The following OSBPL10 variants were observed in gnomAD, a reference collection of about 807,000 sequenced individuals.
OSBPL10 encodes the protein oxysterol binding protein like 10.
In OSBPL10, 49 loss-of-function variants were observed where a neutral mutation model predicts 81.7. That is an observed-to-expected ratio of 0.60 (90% CI 0.48 to 0.76). The LOEUF (loss-of-function observed/expected upper bound fraction) is 0.76, where lower values mean the gene tolerates loss of function less well. OSBPL10 is among the 30% of genes least tolerant of loss of function. The pLI, the probability that OSBPL10 is intolerant of heterozygous loss-of-function variation, is 0.00. For missense variants in OSBPL10, 923 were observed against 987.8 expected, an observed-to-expected ratio of 0.93 and a Z score of 0.88; for synonymous variants, 419 against 383.6, an observed-to-expected ratio of 1.09 and a Z score of -1.08.
chr3:31,741,295 T>A (rs1186369301), intron 5 of OSBPL10, among the ~76,000 whole-genome samples: 2 of 152,278 alleles, frequency 1.3e-5, no homozygotes, highest in Non-Finnish European at 2.9e-5. Context: ...AGACGGAGTC[T>A]CGCTCTGTCA....
chr3:31,833,206 C>G (rs1700287673), intron 3 of OSBPL10, among the ~76,000 whole-genome samples: 1 of 152,084 alleles, frequency 6.6e-6, no homozygotes, highest in Non-Finnish European at 1.5e-5. Flanking sequence ...TATTCCAGTC[C>G]AGGAAAAGGC....
chr3:31,665,800 G>A (rs373752236), intron 10 of OSBPL10, among the ~76,000 whole-genome samples: 1 of 152,174 alleles, frequency 6.6e-6, no homozygotes, highest in South Asian at 2.1e-4. Context: ...TACGCTGAGG[G>A]TGGGGCTGGG....
intron 4 of OSBPL10, among the ~76,000 whole-genome samples, chr3:31,774,105 T>A (rs1575535563): frequency 6.9e-6 from 1 of 145,018 alleles, no homozygotes; most frequent in African/African-American, 2.6e-5. Flanking sequence ...GAGGTTGCAG[T>A]GAGCCGAGAT....
At chr3:31,892,117 G>A (rs1213550905) in intron 1 of OSBPL10, among the ~76,000 whole-genome samples, 1 of 152,042 alleles carries the variant, frequency 6.6e-6, no homozygotes, top group African/African-American at 2.4e-5. Context: ...TCTGGAGACG[G>A]AGGAACTGAG....
intron 4 of OSBPL10, among the ~76,000 whole-genome samples, chr3:31,817,833 TG>T (rs1699881810): frequency 6.6e-6 from 1 of 152,182 alleles, no homozygotes; most frequent in Non-Finnish European, 1.5e-5. Context: ...CTGCAGCCAC[TG>T]CCATCAATGC....
chr3:31,767,501 A>G (rs1237616836), intron 4 of OSBPL10, among the ~76,000 whole-genome samples: 1 of 152,064 alleles, frequency 6.6e-6, no homozygotes, highest in African/African-American at 2.4e-5. Context: ...CCCATCTCTC[A>G]TGGTCAAAGT....
intron 5 of OSBPL10, 148 bp from the exon 6 acceptor site, chr3:31,733,559 T>G (rs886324403): frequency 9.3e-6 from 8 of 863,312 alleles, no homozygotes; most frequent in Non-Finnish European, 1.3e-5. Context: ...AAGTACCAAG[T>G]GCAGATTCTG....
Position 31,732,254 on chromosome 3 carries a change from C to T in OSBPL10, c.1095+1003G>A, listed in dbSNP as rs548434955. On this transcript the variant is annotated intron_variant, in intron 6 of 11. Transcript: ENST00000396556. ...CCCTTCTAACACCCCTTAAAGATGCCGATGAAATATTTGTAGGCAGGCTAA... is the reference window on the plus strand; with the variant it reads ...CCCTTCTAACACCCCTTAAAGATGCTGATGAAATATTTGTAGGCAGGCTAA... Among the ~76,000 whole-genome samples the T allele has an allele frequency of 2.6e-4, 40 of 152,184 alleles. 1 individual carries two copies. Among genetic ancestry groups the T allele is most frequent in the Admixed American group, 2.2e-3 (34 of 15,290 alleles).
intron 1 of OSBPL10, among the ~76,000 whole-genome samples, chr3:32,049,141 G>C (rs1699649801): frequency 1.3e-5 from 2 of 152,098 alleles, no homozygotes; most frequent in African/African-American, 4.8e-5. Flanking sequence ...ATAACTATAA[G>C]TATACTCAGT....
intron 3 of OSBPL10, among the ~76,000 whole-genome samples, chr3:31,845,619 G>A (rs913518274): frequency 1.3e-5 from 2 of 152,172 alleles, no homozygotes; most frequent in African/African-American, 4.8e-5. Context: ...CCAGTAAGAA[G>A]CGGTTCTGTG....
intron 1 of OSBPL10, among the ~76,000 whole-genome samples, chr3:31,946,724 G>A (rs920648370): frequency 2.0e-5 from 3 of 152,228 alleles, no homozygotes; most frequent in African/African-American, 7.2e-5. Flanking sequence ...ACAAGTTCAA[G>A]GTGGAGCTGG....
intron 2 of OSBPL10, chr3:32,045,776 T>C (rs954738175): frequency 2.6e-5 from 4 of 152,176 alleles, no homozygotes; most frequent in Non-Finnish European, 5.9e-5. Context: ...AACAAAAAGC[T>C]AGGAAGGGAT....
At chr3:31,887,911 T>C (rs901350363) in intron 1 of OSBPL10, among the ~76,000 whole-genome samples, 2 of 152,204 alleles carry the variant, frequency 1.3e-5, no homozygotes, top group Admixed American at 1.3e-4. Flanking sequence ...GTCCCACCAC[T>C]GCCACCATCA....
At chr3:31,955,778 C>T (rs1035191374) in intron 1 of OSBPL10, among the ~76,000 whole-genome samples, 2 of 152,174 alleles carry the variant, frequency 1.3e-5, no homozygotes, top group South Asian at 2.1e-4. Flanking sequence ...AAACTATAAG[C>T]TACATTTCAC....
intron 1 of OSBPL10, among the ~76,000 whole-genome samples, chr3:31,893,776 T>C (rs1307255292): frequency 6.6e-6 from 1 of 152,172 alleles, no homozygotes; most frequent in East Asian, 1.9e-4. Flanking sequence ...TATCATTCTA[T>C]TTATATAAAA....
At chr3:31,702,229 A>G (rs1695916724) in intron 7 of OSBPL10, 130 bp downstream of exon 7, 2 of 1,094,974 alleles carry the variant, frequency 1.8e-6, no homozygotes. Flanking sequence ...ACTTGAAAGC[A>G]ATGCTGGCCT....
chr3:31,753,431 C>A (rs112201070), intron 4 of OSBPL10, among the ~76,000 whole-genome samples: 3 of 152,044 alleles, frequency 2.0e-5, no homozygotes, highest in Admixed American at 2.0e-4. Flanking sequence ...GTGATCTGCC[C>A]GCCGCAGCCT....
At chr3:31,894,483 A>G (rs1342922971) in intron 1 of OSBPL10, among the ~76,000 whole-genome samples, 1 of 152,352 alleles carries the variant, frequency 6.6e-6, no homozygotes, top group Non-Finnish European at 1.5e-5. Context: ...ATTTGTGACC[A>G]TACACTCATC....
At chr3:31,932,103 T>A (rs907953036) in intron 1 of OSBPL10, among the ~76,000 whole-genome samples, 5 of 152,140 alleles carry the variant, frequency 3.3e-5, no homozygotes, top group African/African-American at 1.2e-4. Flanking sequence ...AATTTATATA[T>A]CTGATTATAT....
Sources: allele counts gnomAD v4.1 joint callset (sites outside exome capture counted in the v4.1 genomes callset), GRCh38; gene constraint gnomAD v4.1.1; transcripts MANE v1.5; gene names NCBI Gene and HGNC (gene_info 2026-07-23, HGNC 2026-07-21).